ADAM22: variants seen among roughly 807,000 people sequenced by gnomAD.
ADAM22 encodes ADAM metallopeptidase domain 22, also known as disintegrin and metalloproteinase domain-containing protein 22.
In ADAM22, 65 loss-of-function variants were observed where a neutral mutation model predicts 144.6. That is an observed-to-expected ratio of 0.45 (90% CI 0.37 to 0.55). The LOEUF is 0.55. Among genes scored for constraint, ADAM22 ranks in the 20% least tolerant of loss-of-function variants. The pLI is 0.00. For missense variants in ADAM22, 974 were observed against 1,184.9 expected, an observed-to-expected ratio of 0.82 and a Z score of 2.61; for synonymous variants, 391 against 412.6, an observed-to-expected ratio of 0.95 and a Z score of 0.63.
chr7:88,040,410 G>A (rs1802826025), intron 3 of ADAM22, among the ~76,000 whole-genome samples: 1 of 151,928 alleles, frequency 6.6e-6, no homozygotes, highest in South Asian at 2.1e-4. Flanking sequence ...GGGATTACAG[G>A]CGTGAGCCAC....
intron 14 of ADAM22, among the ~76,000 whole-genome samples, chr7:88,138,973 C>T (rs1215251351): frequency 6.6e-6 from 1 of 152,186 alleles, no homozygotes; most frequent in African/African-American, 2.4e-5. Flanking sequence ...GGAGGGTGGG[C>T]TTGGCTGTGA....
At chr7:88,008,067 G>A (rs1298510862) in intron 3 of ADAM22, among the ~76,000 whole-genome samples, 5 of 152,114 alleles carry the variant, frequency 3.3e-5, no homozygotes, top group South Asian at 2.1e-4. Flanking sequence ...AAAACAAACA[G>A]CCCCATCAAA....
chr7:88,128,617 C>G lies in ADAM22; in HGVS notation c.694C>G (p.Arg232Gly). 1 of 1,611,462 alleles carries G rather than the reference C, an allele frequency of 6.2e-7. No individual in the cohort carries two copies. Among genetic ancestry groups the G allele is most frequent in the Non-Finnish European group, 8.5e-7 (1 of 1,178,030 alleles). The change falls in exon 9 of 32, where the codon CGT becomes GGT. Residue 232 changes from arginine (R) to glycine (G), a missense_variant. Arg to Gly is a moderately radical substitution (Grantham distance 125). Transcript: ENST00000413139. ...TGTGTTACAGCTTCGTCGATATCCTCGTAATGTAGAAGAAGAAACCAAATA... is the reference window on the plus strand; with the variant it reads ...TGTGTTACAGCTTCGTCGATATCCTGGTAATGTAGAAGAAGAAACCAAATA... ...RSKRQLRRYP[R>G]NVEEETKYIE... is the part of the protein sequence containing the mutation.
chr7:88,024,676 A>G lies in ADAM22; in HGVS notation c.323+46264A>G, dbSNP rs543667065. Among the ~76,000 whole-genome samples, 6 of 149,712 alleles carry G rather than the reference A, an allele frequency of 4.0e-5. No individual in the cohort carries two copies. In the East Asian group the frequency reaches 1.2e-3, roughly 30 times the overall value. ...TTAACTCATCATTTAACATTAGGTA[A>G]ATCTCCTAATGCTATCCCTCCCCCC... On this transcript the variant is annotated intron_variant, in intron 3 of 31. Transcript: ENST00000413139.
intron 2 of ADAM22, among the ~76,000 whole-genome samples, chr7:87,949,677 G>A (rs1844555998): frequency 6.6e-6 from 1 of 151,486 alleles, no homozygotes; most frequent in African/African-American, 2.4e-5. Flanking sequence ...CTATGGTTTT[G>A]AACTAAGGAC....
chr7:88,061,456 G>T (rs184393889), intron 3 of ADAM22, among the ~76,000 whole-genome samples: 2 of 152,194 alleles, frequency 1.3e-5, no homozygotes, highest in Non-Finnish European at 2.9e-5. Context: ...ACTTGAAGTT[G>T]AAATTACTTC....
chr7:88,035,169 G>A (rs1801211150), intron 3 of ADAM22, among the ~76,000 whole-genome samples: 1 of 152,018 alleles, frequency 6.6e-6, no homozygotes, highest in South Asian at 2.1e-4. Flanking sequence ...TCCTAATATG[G>A]TTTTTCTTCA....
At chr7:88,185,481 C>T (rs1848083939) in intron 29 of ADAM22, among the ~76,000 whole-genome samples, 1 of 151,952 alleles carries the variant, frequency 6.6e-6, no homozygotes, top group Non-Finnish European at 1.5e-5. Context: ...TTTATAATTT[C>T]CCCTGGTTTG....
chr7:88,087,826 C>T (rs1027580163), intron 4 of ADAM22, among the ~76,000 whole-genome samples: 1 of 152,120 alleles, frequency 6.6e-6, no homozygotes, highest in African/African-American at 2.4e-5. Flanking sequence ...TAATCCTTAA[C>T]GATGAGTTTG....
Position 88,134,401 on chromosome 7 carries a change from A to G in ADAM22, c.1150A>G (p.Lys384Glu). 1 of 1,609,716 alleles carries G rather than the reference A, an allele frequency of 6.2e-7. No individual in the cohort carries two copies. The highest frequency in any genetic ancestry group is 8.5e-7 in the Non-Finnish European group (1 of 1,178,196). Residue 384 changes from lysine to glutamate, a missense_variant, in exon 13 of 32, where the codon AAA becomes GAA. This residue lies in a region of ADAM22 where 734 missense variants were observed against 950.6 expected (regional missense o/e 0.77). Coordinates refer to ENST00000413139, the MANE Select transcript of ADAM22 (RefSeq NM_001324418.2). ...LAHNIGIISD[K>E]RKLASGECKC... ...CCATAATATTGGTATTATCTCAGAC[A>G]AAAGAAAGTTAGCAAGTGGTAAGTT... is the stretch of plus-strand genomic sequence containing the variant.
intron 2 of ADAM22, among the ~76,000 whole-genome samples, chr7:87,978,104 C>T (rs1329112901): frequency 6.6e-6 from 1 of 152,130 alleles, no homozygotes; most frequent in Non-Finnish European, 1.5e-5. Context: ...TTGAGGTAAA[C>T]TAGAAAAGTA....
At chr7:88,189,858 C>T (rs1268800927) in intron 30 of ADAM22, among the ~76,000 whole-genome samples, 1 of 152,014 alleles carries the variant, frequency 6.6e-6, no homozygotes, top group Non-Finnish European at 1.5e-5. Context: ...GCGGGAGAAT[C>T]GCTTGAACCT....
At chr7:88,032,694 A>G (rs1800585012) in intron 3 of ADAM22, among the ~76,000 whole-genome samples, 1 of 152,100 alleles carries the variant, frequency 6.6e-6, no homozygotes, top group Admixed American at 6.5e-5. Flanking sequence ...TTTCACCCAA[A>G]TCTTATGTTG....
chr7:88,016,655 A>C (rs75139179), intron 3 of ADAM22, among the ~76,000 whole-genome samples: 2,502 of 152,302 alleles, frequency 0.016, 70 homozygotes, highest in African/African-American at 0.057. Flanking sequence ...GGATCTTAGA[A>C]TATTTCCCAC....
At position 88,144,034 on chromosome 7, in the gene ADAM22, T is replaced by C. The variant is rs572858899; in HGVS notation, c.1320+909T>C. Among the ~76,000 whole-genome samples, 298 of 152,328 alleles carry C rather than the reference T, an allele frequency of 2.0e-3. 1 individual carries two copies. The highest frequency in any genetic ancestry group is 6.9e-3 in the African/African-American group (285 of 41,580). ...TGGTTATCATTTGGATAAGTTTCCA[T>C]TTTTGCTGTTTTTTATTTGTTATGA... On this transcript the variant is annotated intron_variant, in intron 15 of 31. Transcript: ENST00000413139.
At chr7:87,975,683 C>G (rs1265411950) in intron 2 of ADAM22, among the ~76,000 whole-genome samples, 1 of 152,102 alleles carries the variant, frequency 6.6e-6, no homozygotes, top group African/African-American at 2.4e-5. Flanking sequence ...CAGTAAATAC[C>G]TTGCCAAGAA....
intron 3 of ADAM22, among the ~76,000 whole-genome samples, chr7:88,058,216 G>T (rs1369506459): frequency 1.3e-5 from 2 of 152,172 alleles, no homozygotes; most frequent in Non-Finnish European, 2.9e-5. Context: ...AAAAGTTCTA[G>T]AAATAGAGGT....
intron 3 of ADAM22, among the ~76,000 whole-genome samples, chr7:87,990,570 C>G (rs956269298): frequency 2.6e-5 from 4 of 152,302 alleles, no homozygotes; most frequent in African/African-American, 9.6e-5. Flanking sequence ...AACAATCACC[C>G]TGACTTCTGT....
intron 3 of ADAM22, among the ~76,000 whole-genome samples, chr7:87,993,568 T>C (rs1790414923): frequency 6.6e-6 from 1 of 152,224 alleles, no homozygotes; most frequent in Non-Finnish European, 1.5e-5. Flanking sequence ...AAAGTCAGTA[T>C]GCCTCAGGCC....
Sources: gnomAD v4.1 joint callset for allele counts (sites outside exome capture counted in the v4.1 genomes callset) on GRCh38, gnomAD v4.1.1 for gene constraint, gnomAD v4.1.1 regional missense constraint, MANE v1.5 for transcripts, NCBI Gene and HGNC (gene_info 2026-07-23, HGNC 2026-07-21) for gene names.